FGF14: variants seen among roughly 807,000 people sequenced by gnomAD.
FGF14 encodes fibroblast growth factor homologous factor 4.
FGF14 carries 5 observed loss-of-function variants against 25.5 expected under a neutral mutation model. That is an observed-to-expected ratio of 0.20 (90% CI 0.10 to 0.41). The LOEUF (loss-of-function observed/expected upper bound fraction) is 0.41. Among genes scored for constraint, FGF14 ranks in the 10% least tolerant of loss-of-function variants. FGF14 has a pLI of 1.00. For missense variants in FGF14, 222 were observed against 320.1 expected, an observed-to-expected ratio of 0.69 and a Z score of 2.34; for synonymous variants, 138 against 118.3, an observed-to-expected ratio of 1.17 and a Z score of -1.08.
intron 1 of FGF14, among the ~76,000 whole-genome samples, chr13:102,109,397 A>G (rs2045102308): frequency 6.6e-6 from 1 of 152,306 alleles, no homozygotes; most frequent in African/African-American, 2.4e-5. Context: ...AAAATTGCCA[A>G]GAGAATAGAG....
chr13:102,054,903 T>C lies in FGF14; in HGVS notation c.209-179607A>G, dbSNP rs142095560. Among the ~76,000 whole-genome samples the C allele has an allele frequency of 4.6e-4, 70 of 152,292 alleles. No homozygotes were observed. The Middle Eastern group carries it at 0.014, about 30-fold the overall frequency. Reference sequence around the variant, plus strand: ...ATTGCCAAAGAATCCTCTGAAACTATCACTCCCGCTTTCTGTTCCCACAGC... The same window carrying C: ...ATTGCCAAAGAATCCTCTGAAACTACCACTCCCGCTTTCTGTTCCCACAGC... On this transcript the variant is annotated intron_variant, in intron 1 of 4. Coordinates refer to the FGF14 transcript ENST00000376131.
At chr13:101,757,321 T>C (rs1337932775) in intron 3 of FGF14, among the ~76,000 whole-genome samples, 1 of 152,152 alleles carries the variant, frequency 6.6e-6, no homozygotes, top group East Asian at 1.9e-4. Flanking sequence ...ATATGTTTAG[T>C]TGTGTGTGTC....
intron 1 of FGF14, among the ~76,000 whole-genome samples, chr13:102,182,301 G>A (rs957140458): frequency 2.0e-5 from 3 of 152,132 alleles, no homozygotes; most frequent in African/African-American, 4.8e-5. Flanking sequence ...TCTGACAACT[G>A]GCAAGGCAAG....
chr13:102,375,598 C>T (rs1264928094), intron 1 of FGF14, among the ~76,000 whole-genome samples: 4 of 152,044 alleles, frequency 2.6e-5, no homozygotes, highest in African/African-American at 9.7e-5. Context: ...AATAAGACTG[C>T]TTATATGGGA....
At chr13:102,295,399 G>C (rs958680480) in intron 1 of FGF14, among the ~76,000 whole-genome samples, 1 of 152,078 alleles carries the variant, frequency 6.6e-6, no homozygotes, top group Admixed American at 6.6e-5. Flanking sequence ...AGTTACTCTA[G>C]ACTTTTCCTT....
At chr13:102,059,018 C>T (rs2042561446) in intron 1 of FGF14, among the ~76,000 whole-genome samples, 2 of 151,694 alleles carry the variant, frequency 1.3e-5, no homozygotes, top group Admixed American at 1.3e-4. Context: ...TCCATCTCAT[C>T]AAATCTCCAG....
intron 1 of FGF14, among the ~76,000 whole-genome samples, chr13:102,120,849 G>A (rs903488372): frequency 2.0e-5 from 3 of 151,802 alleles, no homozygotes; most frequent in Non-Finnish European, 2.9e-5. Context: ...GATTATAGGC[G>A]CCTGCCACCA....
chr13:101,972,782 T>A (rs1180868007), intron 1 of FGF14, among the ~76,000 whole-genome samples: 1 of 152,360 alleles, frequency 6.6e-6, no homozygotes, highest in South Asian at 2.1e-4. Context: ...GAGCTGGGAT[T>A]ACAGGCATGA....
chr13:101,834,739 C>A (rs1340665401), intron 3 of FGF14, among the ~76,000 whole-genome samples: 1 of 152,020 alleles, frequency 6.6e-6, no homozygotes. Flanking sequence ...TCACTCAAAA[C>A]CTCCTAGATG....
chr13:101,904,081 G>A (rs971843133), intron 1 of FGF14, among the ~76,000 whole-genome samples: 1 of 152,146 alleles, frequency 6.6e-6, no homozygotes, highest in Non-Finnish European at 1.5e-5. Context: ...TGCAAAAGAA[G>A]AACTGAAAGC....
At chr13:102,303,848 C>T (rs552398803) in intron 1 of FGF14, among the ~76,000 whole-genome samples, 4 of 152,248 alleles carry the variant, frequency 2.6e-5, no homozygotes, top group Admixed American at 1.3e-4. Flanking sequence ...AAAATTCAAA[C>T]TGCACACAGT....
chr13:102,039,663 G>T (rs2041638433), intron 1 of FGF14, among the ~76,000 whole-genome samples: 1 of 152,112 alleles, frequency 6.6e-6, no homozygotes, highest in Non-Finnish European at 1.5e-5. Context: ...CCACCCTAAT[G>T]ATTTCATCTT....
intron 3 of FGF14, among the ~76,000 whole-genome samples, chr13:101,799,613 C>A (rs989038566): frequency 1.3e-5 from 2 of 152,048 alleles, no homozygotes; most frequent in African/African-American, 4.8e-5. Context: ...ATAGTATGCA[C>A]GTATTAGTCT....
intron 1 of FGF14, among the ~76,000 whole-genome samples, chr13:102,171,945 T>C (rs1010941695): frequency 1.3e-5 from 2 of 150,960 alleles, no homozygotes; most frequent in Non-Finnish European, 3.0e-5. Flanking sequence ...AAAAGAAATT[T>C]TGCAAAAAAA....
intron 1 of FGF14, among the ~76,000 whole-genome samples, chr13:101,945,980 C>T (rs1224119699): frequency 1.3e-5 from 2 of 152,258 alleles, no homozygotes; most frequent in South Asian, 2.1e-4. Context: ...TCTGAATCAT[C>T]GTGAAGCCTT....
intron 1 of FGF14, among the ~76,000 whole-genome samples, chr13:102,355,489 G>T (rs1654608661): frequency 6.6e-6 from 1 of 151,186 alleles, no homozygotes; most frequent in South Asian, 2.1e-4. Flanking sequence ...TTAAGTATGT[G>T]CTGCTGGCTG....
intron 3 of FGF14, among the ~76,000 whole-genome samples, chr13:101,838,878 ATTTTCCACTTC>A (rs2043060278): frequency 1.3e-5 from 2 of 152,062 alleles, no homozygotes; most frequent in Non-Finnish European, 2.9e-5. Flanking sequence ...AGAAGCTTGT[ATTTTCCACTTC>A]TTTTCAGACA....
At chr13:102,169,006 A>G (rs1274555121) in intron 1 of FGF14, among the ~76,000 whole-genome samples, 1 of 151,886 alleles carries the variant, frequency 6.6e-6, no homozygotes, top group African/African-American at 2.4e-5. Flanking sequence ...GGAGACAGAG[A>G]AGAAAAAAAA....
chr13:102,100,944 C>T lies in FGF14; in HGVS notation c.209-225648G>A, dbSNP rs989271143. Reference sequence around the variant, plus strand: ...GTGAAACTCTGTCTTTACAAAAATACAAAAATTAGCCAGGCATGATGGTGG... The same window carrying T: ...GTGAAACTCTGTCTTTACAAAAATATAAAAATTAGCCAGGCATGATGGTGG... On this transcript the variant is annotated intron_variant, in intron 1 of 4. Transcript: ENST00000376131. 2.0e-5 allele frequency among the ~76,000 whole-genome samples: 3 copies of T among 151,964 alleles called. No individual in the cohort carries two copies. In the East Asian group the frequency reaches 5.8e-4, roughly 29 times the overall value.
Sources: gnomAD v4.1 joint callset for allele counts (sites outside exome capture counted in the v4.1 genomes callset) on GRCh38, gnomAD v4.1.1 for gene constraint, MANE v1.5 for transcripts, NCBI Gene and HGNC (gene_info 2026-07-23, HGNC 2026-07-21) for gene names.